The following PPARGC1A variants were observed in gnomAD, a reference collection of about 807,000 sequenced individuals.
The protein encoded by PPARGC1A is PPARG coactivator 1 alpha, also known as peroxisome proliferator-activated receptor gamma coactivator 1-alpha.
In PPARGC1A, 25 loss-of-function variants were observed where a neutral mutation model predicts 88.7. The observed-to-expected ratio is 0.28, with a 90% confidence interval of 0.21 to 0.39. The LOEUF is 0.39. PPARGC1A is among the 10% of genes least tolerant of loss of function. PPARGC1A has a pLI of 1.00. For missense variants in PPARGC1A, 880 were observed against 968.7 expected, an observed-to-expected ratio of 0.91 and a Z score of 1.22; for synonymous variants, 363 against 355.6, an observed-to-expected ratio of 1.02 and a Z score of -0.24.
At chr4:24,172,607 T>A in the PPARGC1A span, among the ~76,000 whole-genome samples, 1 of 152,194 alleles carries the variant, frequency 6.6e-6, no homozygotes, top group Non-Finnish European at 1.5e-5. Context: ...AGTCCTAGAA[T>A]GTGCTCATGG....
the PPARGC1A span, among the ~76,000 whole-genome samples, chr4:24,211,212 C>G: frequency 6.6e-6 from 1 of 152,060 alleles, no homozygotes; most frequent in African/African-American, 2.4e-5. Context: ...AAAATATTAT[C>G]ATCCTCTTCT....
the PPARGC1A span, among the ~76,000 whole-genome samples, chr4:24,250,152 G>A: frequency 6.6e-6 from 1 of 152,218 alleles, no homozygotes; most frequent in African/African-American, 2.4e-5. Flanking sequence ...GCAGAACACT[G>A]CAGATGTAGA....
At chr4:24,391,256 G>A in the PPARGC1A span, among the ~76,000 whole-genome samples, 1 of 152,118 alleles carries the variant, frequency 6.6e-6, no homozygotes, top group Non-Finnish European at 1.5e-5. Flanking sequence ...CAAGCCACGT[G>A]TTACATACAT....
chr4:23,888,981 A>T (rs552412981), intron 1 of PPARGC1A: 3 of 985,296 alleles, frequency 3.0e-6, no homozygotes, highest in Non-Finnish European at 3.6e-6. Flanking sequence ...AAGTTGCCCA[A>T]ACTTTCCTTC....
chr4:24,110,474 C>G, the PPARGC1A span, among the ~76,000 whole-genome samples: 1 of 152,166 alleles, frequency 6.6e-6, no homozygotes, highest in Non-Finnish European at 1.5e-5. Flanking sequence ...CTACCAACTC[C>G]TGTCCCAGCT....
chr4:23,913,305 G>A, the PPARGC1A span, among the ~76,000 whole-genome samples: 3 of 126,864 alleles, frequency 2.4e-5, no homozygotes, highest in Admixed American at 8.1e-5. Context: ...GAGAGAGAGA[G>A]AGAAAGAGAA....
At chr4:24,443,461 C>A in the PPARGC1A span, among the ~76,000 whole-genome samples, 5 of 152,130 alleles carry the variant, frequency 3.3e-5, no homozygotes, top group Admixed American at 3.3e-4. Flanking sequence ...AAAGCACAGG[C>A]AAGAATGACC....
At chr4:24,156,450 A>G in the PPARGC1A span, among the ~76,000 whole-genome samples, 13 of 151,992 alleles carry the variant, frequency 8.6e-5, no homozygotes, top group Non-Finnish European at 4.4e-5. Context: ...CTTGAAATGT[A>G]TTCCATTTTT....
At chr4:24,096,033 G>A in the PPARGC1A span, among the ~76,000 whole-genome samples, 1 of 152,170 alleles carries the variant, frequency 6.6e-6, no homozygotes, top group African/African-American at 2.4e-5. Flanking sequence ...AATCTCACTT[G>A]AATTGGAGGA....
the PPARGC1A span, among the ~76,000 whole-genome samples, chr4:24,430,060 C>T: frequency 1.3e-5 from 2 of 152,086 alleles, no homozygotes; most frequent in Non-Finnish European, 2.9e-5. Context: ...TGGAAAAAGC[C>T]TTACATGCCA....
At chr4:23,853,805 C>T (rs543060017) in intron 2 of PPARGC1A, among the ~76,000 whole-genome samples, 2 of 152,242 alleles carry the variant, frequency 1.3e-5, no homozygotes, top group Non-Finnish European at 2.9e-5. Flanking sequence ...TAGTAAAGCA[C>T]AAGACATCTA....
chr4:24,232,392 G>A, the PPARGC1A span, among the ~76,000 whole-genome samples: 2 of 152,178 alleles, frequency 1.3e-5, no homozygotes, highest in African/African-American at 4.8e-5. Flanking sequence ...CCTCCAATTT[G>A]TGACTCTATT....
chr4:23,805,228 C>T (rs1360616943), intron 10 of PPARGC1A, among the ~76,000 whole-genome samples: 8 of 144,266 alleles, frequency 5.5e-5, no homozygotes, highest in Admixed American at 2.7e-4. Context: ...TGTTTTATCA[C>T]AGAAAAAAAA....
chr4:24,376,664 AT>A, the PPARGC1A span, among the ~76,000 whole-genome samples: 1 of 152,216 alleles, frequency 6.6e-6, no homozygotes, highest in Non-Finnish European at 1.5e-5. Context: ...AGAAATATTT[AT>A]GGGTGCCTAA....
chr4:24,400,082 G>A, the PPARGC1A span, among the ~76,000 whole-genome samples: 134 of 152,280 alleles, frequency 8.8e-4, no homozygotes, highest in Middle Eastern at 3.4e-3. Flanking sequence ...CACCACACCT[G>A]GGGGAGGAAT....
chr4:24,038,297 G>T, the PPARGC1A span, among the ~76,000 whole-genome samples: 1 of 152,178 alleles, frequency 6.6e-6, no homozygotes. Flanking sequence ...TTCCACGTGA[G>T]ATTACTATAA....
chr4:23,848,960 G>A (rs1336751751), intron 2 of PPARGC1A, among the ~76,000 whole-genome samples: 2 of 152,002 alleles, frequency 1.3e-5, no homozygotes, highest in African/African-American at 2.4e-5. Context: ...TGGCTAACAC[G>A]GTGAAACCCC....
At chr4:24,296,097 CATATATAT>C in the PPARGC1A span, among the ~76,000 whole-genome samples, 1 of 149,948 alleles carries the variant, frequency 6.7e-6, no homozygotes, top group Non-Finnish European at 1.5e-5. Flanking sequence ...TACACACATA[CATATATAT>C]GTACATATAT....
chr4:24,278,232 C>T, the PPARGC1A span, among the ~76,000 whole-genome samples: 1 of 152,156 alleles, frequency 6.6e-6, no homozygotes, highest in East Asian at 1.9e-4. Context: ...ACAATAAACT[C>T]CTTTGCGTGG....
Sources: allele counts gnomAD v4.1 joint callset (sites outside exome capture counted in the v4.1 genomes callset), GRCh38; gene constraint gnomAD v4.1.1; transcripts MANE v1.5; gene names NCBI Gene and HGNC (gene_info 2026-07-23, HGNC 2026-07-21).